The following NKD1 variants were observed in gnomAD, a reference collection of about 807,000 sequenced individuals.
NKD1 encodes NKD inhibitor of Wnt signaling pathway 1.
Under a neutral mutation model 56.0 loss-of-function variants are expected in NKD1, and 21 were observed. That is an observed-to-expected ratio of 0.38 (90% CI 0.27 to 0.54). The LOEUF is 0.54. Among genes scored for constraint, NKD1 ranks in the 20% least tolerant of loss-of-function variants. The pLI is 0.82. For missense variants in NKD1, 578 were observed against 642.7 expected, an observed-to-expected ratio of 0.90 and a Z score of 1.09; for synonymous variants, 263 against 265.7, an observed-to-expected ratio of 0.99 and a Z score of 0.10.
intron 3 of NKD1, chr16:50,562,232 A>G (rs1169410160): frequency 2.3e-6 from 2 of 876,400 alleles, no homozygotes; most frequent in East Asian, 2.4e-4. Flanking sequence ...TGAATGAGCA[A>G]AGCAACTGCA....
At chr16:50,580,804 G>A (rs1399415610) in intron 3 of NKD1, among the ~76,000 whole-genome samples, 1 of 152,144 alleles carries the variant, frequency 6.6e-6, no homozygotes, top group Admixed American at 6.5e-5. Flanking sequence ...TGTGCTCTTG[G>A]ACAGGGCCTG....
intron 6 of NKD1, among the ~76,000 whole-genome samples, chr16:50,626,363 G>A (rs1248322072): frequency 3.9e-5 from 6 of 152,194 alleles, no homozygotes; most frequent in South Asian, 2.1e-4. Flanking sequence ...AACTGTGAGC[G>A]GTGATGTGTT....
intron 3 of NKD1, among the ~76,000 whole-genome samples, chr16:50,602,747 T>C (rs1961624231): frequency 3.3e-5 from 5 of 152,210 alleles, no homozygotes; most frequent in Admixed American, 3.3e-4. Flanking sequence ...CGTGTCTTCC[T>C]GTGAGGGCTC....
At chr16:50,611,101 G>A (rs1470921540) in intron 4 of NKD1, among the ~76,000 whole-genome samples, 2 of 152,166 alleles carry the variant, frequency 1.3e-5, no homozygotes, top group Non-Finnish European at 2.9e-5. Flanking sequence ...TGGGCCCCAC[G>A]GGGAGAATGG....
rs369215892 is a variant in NKD1, at chr16:50,573,277, C to T, written c.192+23722C>T. 1.6e-3 allele frequency among the ~76,000 whole-genome samples: 246 copies of T among 151,754 alleles called. 1 individual carries two copies. The highest frequency in any genetic ancestry group is 5.7e-3 in the African/African-American group (233 of 40,994). On this transcript the variant is annotated intron_variant, in intron 3 of 9. Transcript: ENST00000268459. ...TCTCAATCCCTGTGGTGCCCCCCTGCACCCTGTCTGGTCTCCAGGTGGCTG... is the reference window on the plus strand; with the variant it reads ...TCTCAATCCCTGTGGTGCCCCCCTGTACCCTGTCTGGTCTCCAGGTGGCTG...
intron 2 of NKD1, 26 bp from the exon 3 acceptor site, chr16:50,549,394 CAG>C (rs1402068864): frequency 2.4e-5 from 39 of 1,607,348 alleles, no homozygotes; most frequent in Non-Finnish European, 3.2e-5. Context: ...GAGCCAGACT[CAG>C]GGGCTTCATG....
At chr16:50,569,270 C>G (rs760381531) in intron 3 of NKD1, among the ~76,000 whole-genome samples, 1 of 152,208 alleles carries the variant, frequency 6.6e-6, no homozygotes, top group Non-Finnish European at 1.5e-5. Flanking sequence ...AGCGTTTTAG[C>G]GCCCAGAATT....
At chr16:50,574,559 C>T (rs763493568) in intron 3 of NKD1, 2 of 985,434 alleles carry the variant, frequency 2.0e-6, no homozygotes, top group Non-Finnish European at 1.2e-6. Flanking sequence ...GTGGTCTCGC[C>T]TTGGATTGAT....
intron 3 of NKD1, among the ~76,000 whole-genome samples, chr16:50,551,443 T>C (rs1960382581): frequency 6.6e-6 from 1 of 152,256 alleles, no homozygotes; most frequent in Non-Finnish European, 1.5e-5. Flanking sequence ...GCCGTTGGCA[T>C]GACATGTGTC....
intron 4 of NKD1, among the ~76,000 whole-genome samples, chr16:50,619,571 G>C (rs1962040611): frequency 6.6e-6 from 1 of 152,286 alleles, no homozygotes; most frequent in East Asian, 1.9e-4. Flanking sequence ...CCTCAGTTTT[G>C]AGAAAACTTA....
intron 3 of NKD1, among the ~76,000 whole-genome samples, chr16:50,569,548 C>A (rs1960837362): frequency 6.6e-6 from 1 of 152,164 alleles, no homozygotes; most frequent in Non-Finnish European, 1.5e-5. Flanking sequence ...AATAAGTAGA[C>A]CCTGGGCAAA....
chr16:50,599,820 C>T (rs1961554295), intron 3 of NKD1, among the ~76,000 whole-genome samples: 1 of 152,204 alleles, frequency 6.6e-6, no homozygotes, highest in Admixed American at 6.5e-5. Flanking sequence ...CTCTTAAGGG[C>T]TCTGAAATGC....
At chr16:50,605,580 T>G (rs981794599) in intron 3 of NKD1, among the ~76,000 whole-genome samples, 1 of 152,214 alleles carries the variant, frequency 6.6e-6, no homozygotes, top group Non-Finnish European at 1.5e-5. Context: ...TTCTTGTCCT[T>G]ATTCCCTAAG....
chr16:50,569,201 C>G (rs531531264), intron 3 of NKD1, among the ~76,000 whole-genome samples: 7 of 152,334 alleles, frequency 4.6e-5, no homozygotes, highest in Admixed American at 3.9e-4. Context: ...TTTCCCATGT[C>G]TGGGTGATTG....
At chr16:50,557,023 C>T (rs1253385570) in intron 3 of NKD1, 1 of 152,186 alleles carries the variant, frequency 6.6e-6, no homozygotes, top group Non-Finnish European at 1.5e-5. Context: ...TTTAGATCTT[C>T]AGCCTCCTCC....
At chr16:50,630,113 A>C (rs1962309028) in intron 6 of NKD1, 73 bp from the exon 7 acceptor site, 2 of 1,440,760 alleles carry the variant, frequency 1.4e-6, no homozygotes, top group Admixed American at 3.5e-5. Flanking sequence ...AGCGTCCACC[A>C]GGCCCTCTGG....
chr16:50,554,781 G>A (rs1960465892), intron 3 of NKD1, among the ~76,000 whole-genome samples: 2 of 152,050 alleles, frequency 1.3e-5, no homozygotes, highest in South Asian at 4.1e-4. Flanking sequence ...ACTGTGTCCG[G>A]CTAATTCATT....
chr16:50,572,768 C>A (rs1288541300), intron 3 of NKD1, among the ~76,000 whole-genome samples: 1 of 152,158 alleles, frequency 6.6e-6, no homozygotes, highest in African/African-American at 2.4e-5. Context: ...CGGGCTTGAG[C>A]TTGTCCCTGA....
At chr16:50,552,605 G>A (rs1960414133) in intron 3 of NKD1, 1 of 152,248 alleles carries the variant, frequency 6.6e-6, no homozygotes, top group African/African-American at 2.4e-5. Context: ...ATGAGGTCAG[G>A]CTCTGTCCTA....
Sources: allele counts gnomAD v4.1 joint callset (sites outside exome capture counted in the v4.1 genomes callset), GRCh38; gene constraint gnomAD v4.1.1; transcripts MANE v1.5; gene names NCBI Gene and HGNC (gene_info 2026-07-23, HGNC 2026-07-21).